TMC1: variants seen among roughly 807,000 people sequenced by gnomAD.
TMC1 encodes transmembrane channel-like protein 1.
Under a neutral mutation model 105.8 loss-of-function variants are expected in TMC1, and 84 were observed. That is an observed-to-expected ratio of 0.79 (90% CI 0.67 to 0.95). TMC1 has a LOEUF of 0.95. Among genes scored for constraint, TMC1 ranks in the 40% least tolerant of loss-of-function variants. The pLI, the probability that TMC1 is intolerant of heterozygous loss-of-function variation, is 0.00. For missense variants in TMC1, 817 were observed against 914.1 expected, an observed-to-expected ratio of 0.89 and a Z score of 1.37; for synonymous variants, 315 against 311.5, an observed-to-expected ratio of 1.01 and a Z score of -0.12.
rs553791858 is a variant in TMC1, at chr9:72,756,850, A to G, written c.741+1966A>G. 2.6e-5 allele frequency among the ~76,000 whole-genome samples: 4 copies of G among 152,346 alleles called. No individual in the cohort carries two copies. The East Asian group carries it at 5.8e-4, about 22-fold the overall frequency. ...AGTTAGTGACTCAGTTGAGGAAGACAAACAGAAAAGTTGCTGTAAGAGAGT... is the reference window on the plus strand; with the variant it reads ...AGTTAGTGACTCAGTTGAGGAAGACGAACAGAAAAGTTGCTGTAAGAGAGT... On this transcript the variant is annotated intron_variant, in intron 12 of 23. Transcript: ENST00000297784.
chr9:72,627,479 C>T (rs1315133215), intron 3 of TMC1, among the ~76,000 whole-genome samples: 1 of 152,212 alleles, frequency 6.6e-6, no homozygotes, highest in Non-Finnish European at 1.5e-5. Context: ...TCCTCTAATC[C>T]TCTCTTTCCC....
At chr9:72,628,211 C>A (rs1022711891) in intron 4 of TMC1, 148 bp downstream of exon 4, 4 of 349,090 alleles carry the variant, frequency 1.1e-5, no homozygotes, top group Non-Finnish European at 2.3e-5. Flanking sequence ...GGGAGATTGT[C>A]TAAGCTGTCA....
intron 2 of TMC1, among the ~76,000 whole-genome samples, chr9:72,610,632 A>G (rs1313344117): frequency 1.3e-5 from 2 of 152,208 alleles, no homozygotes; most frequent in African/African-American, 4.8e-5. Flanking sequence ...TGCTTTACCC[A>G]GTCTACTGAT....
chr9:72,646,958 A>G (rs1201474896), intron 4 of TMC1, among the ~76,000 whole-genome samples: 2 of 151,622 alleles, frequency 1.3e-5, no homozygotes, highest in Non-Finnish European at 2.9e-5. Flanking sequence ...CCTGGCCAAC[A>G]TGGTGAAACT....
intron 12 of TMC1, among the ~76,000 whole-genome samples, chr9:72,759,800 T>A (rs1299249429): frequency 2.0e-5 from 3 of 152,228 alleles, no homozygotes; most frequent in Non-Finnish European, 4.4e-5. Context: ...TACTGAAGCA[T>A]GTTCAGGGTC....
intron 2 of TMC1, among the ~76,000 whole-genome samples, chr9:72,582,361 A>G (rs1824489045): frequency 6.6e-6 from 1 of 152,348 alleles, no homozygotes. Flanking sequence ...TGTCTGTACG[A>G]TAATTTACTT....
rs570566072 is a variant in TMC1, at chr9:72,814,119, C to T, written c.1696-2024C>T. On this transcript the variant is annotated intron_variant, in intron 18 of 23. Transcript: ENST00000297784. ...CATTTAAAACGTTGAGTTTTCTCCA[C>T]GTTCAGTAGTTTGGTGGGCCACCTC... 1.2e-4 allele frequency among the ~76,000 whole-genome samples: 19 copies of T among 152,286 alleles called. 1 individual carries two copies. The highest frequency in any genetic ancestry group is 3.8e-4 in the African/African-American group (16 of 41,572).
At chr9:72,585,442 G>T (rs1190801884) in intron 2 of TMC1, among the ~76,000 whole-genome samples, 1 of 151,676 alleles carries the variant, frequency 6.6e-6, no homozygotes, top group Non-Finnish European at 1.5e-5. Context: ...GAGCCACTGC[G>T]CCTGGCCTGG....
chr9:72,828,341 T>A (rs1828990758), intron 21 of TMC1, among the ~76,000 whole-genome samples: 1 of 152,128 alleles, frequency 6.6e-6, no homozygotes, highest in Non-Finnish European at 1.5e-5. Context: ...ATACAGTGGC[T>A]TCTGAGAGCA....
intron 5 of TMC1, among the ~76,000 whole-genome samples, chr9:72,661,608 A>G (rs1200467336): frequency 1.3e-5 from 2 of 152,186 alleles, no homozygotes; most frequent in Non-Finnish European, 2.9e-5. Flanking sequence ...TGCACCAGTT[A>G]CATGTGACTC....
At chr9:72,754,216 T>C (rs1017244644) in intron 11 of TMC1, among the ~76,000 whole-genome samples, 11 of 152,056 alleles carry the variant, frequency 7.2e-5, no homozygotes, top group Non-Finnish European at 1.3e-4. Context: ...TCCCTACCGT[T>C]TTTCTCTTCC....
chr9:72,745,909 A>C (rs12115506), intron 10 of TMC1, among the ~76,000 whole-genome samples: 9,358 of 152,256 alleles, frequency 0.061, 304 homozygotes, highest in African/African-American at 0.076. Flanking sequence ...TCACTATACA[A>C]GATCATTTCC....
At chr9:72,791,414 C>G (rs879756580) in intron 15 of TMC1, among the ~76,000 whole-genome samples, 2 of 152,148 alleles carry the variant, frequency 1.3e-5, no homozygotes, top group Non-Finnish European at 2.9e-5. Flanking sequence ...AATATTTAGG[C>G]CTAGGCCCAT....
At chr9:72,615,443 T>C (rs1163670650) in intron 2 of TMC1, among the ~76,000 whole-genome samples, 1 of 152,196 alleles carries the variant, frequency 6.6e-6, no homozygotes, top group East Asian at 1.9e-4. Flanking sequence ...TGTGAAAAGA[T>C]AATTTTGAGG....
At chr9:72,559,441 G>GCGC (rs1554711245) in intron 1 of TMC1, among the ~76,000 whole-genome samples, 11 of 151,890 alleles carry the variant, frequency 7.2e-5, no homozygotes, top group African/African-American at 2.7e-4. Flanking sequence ...AACTTTGTAG[G>GCGC]CCCCCACCGA....
chr9:72,550,733 G>C (rs1308791148), intron 1 of TMC1, among the ~76,000 whole-genome samples: 1 of 151,884 alleles, frequency 6.6e-6, no homozygotes, highest in Admixed American at 6.6e-5. Flanking sequence ...AGGCTGGTGG[G>C]TGTGGTAGGC....
intron 2 of TMC1, among the ~76,000 whole-genome samples, chr9:72,615,333 A>G (rs1587990448): frequency 6.6e-6 from 1 of 152,200 alleles, no homozygotes; most frequent in Admixed American, 6.5e-5. Flanking sequence ...TCACACAGTC[A>G]GTGATACTGT....
chr9:72,751,106 A>T (rs1254975067), intron 10 of TMC1, among the ~76,000 whole-genome samples: 6 of 152,142 alleles, frequency 3.9e-5, no homozygotes, highest in Non-Finnish European at 2.9e-5. Context: ...CCTGTCATCT[A>T]CATCTATAGC....
At chr9:72,670,399 T>G (rs1246942573) in intron 5 of TMC1, among the ~76,000 whole-genome samples, 1 of 152,106 alleles carries the variant, frequency 6.6e-6, no homozygotes, top group African/African-American at 2.4e-5. Context: ...CCCTAAAGGA[T>G]AAAACTGTTT....
Sources: gnomAD v4.1 joint callset for allele counts (sites outside exome capture counted in the v4.1 genomes callset) on GRCh38, gnomAD v4.1.1 for gene constraint, MANE v1.5 for transcripts, NCBI Gene and HGNC (gene_info 2026-07-23, HGNC 2026-07-21) for gene names.